TMEM236: variants seen among roughly 807,000 people sequenced by gnomAD.
TMEM236 encodes family with sequence similarity 23, member A.
TMEM236 carries 11 observed loss-of-function variants against 14.7 expected under a neutral mutation model. The observed-to-expected ratio is 0.75, with a 90% confidence interval of 0.47 to 1.24. The LOEUF is 1.24. Ranked by LOEUF, TMEM236 falls within the 50% of genes most tolerant of loss-of-function variation. The probability of loss-of-function intolerance (pLI) is 0.00; values close to 1 mark genes in which losing one functional copy is unlikely to be tolerated. For missense variants in TMEM236, 464 were observed against 427.3 expected, an observed-to-expected ratio of 1.09 and a Z score of -0.76; for synonymous variants, 182 against 168.6, an observed-to-expected ratio of 1.08 and a Z score of -0.62.
intron 2 of TMEM236, among the ~76,000 whole-genome samples, chr10:17,771,906 G>C (rs571156497): frequency 0.013 from 1,857 of 147,364 alleles, 35 homozygotes; most frequent in African/African-American, 0.044. Flanking sequence ...AGAACTTTCA[G>C]GCTTGTAAGT....
At chr10:17,790,694 A>AG (rs1279040456) in intron 3 of TMEM236, among the ~76,000 whole-genome samples, 57 of 152,368 alleles carry the variant, frequency 3.7e-4, no homozygotes, top group African/African-American at 1.3e-3. Flanking sequence ...TCATTTTAAA[A>AG]GGACTGGTAA....
chr10:17,771,775 T>G (rs1333255197), intron 2 of TMEM236, among the ~76,000 whole-genome samples: 1 of 152,238 alleles, frequency 6.6e-6, no homozygotes, highest in Non-Finnish European at 1.5e-5. Flanking sequence ...TTTGATAAGA[T>G]GTCCATTGAT....
At chr10:17,780,715 G>A (rs1473757756) in intron 3 of TMEM236, among the ~76,000 whole-genome samples, 5 of 152,158 alleles carry the variant, frequency 3.3e-5, no homozygotes, top group Non-Finnish European at 2.9e-5. Context: ...CCCAAGGTTC[G>A]TCATCTTGTG....
intron 1 of TMEM236, among the ~76,000 whole-genome samples, chr10:17,762,007 T>C (rs1452148490): frequency 6.6e-6 from 1 of 152,126 alleles, no homozygotes; most frequent in Non-Finnish European, 1.5e-5. Flanking sequence ...GCCCTTTCTT[T>C]CTCCATGGCC....
chr10:17,781,600 G>A (rs1275595574), intron 3 of TMEM236, among the ~76,000 whole-genome samples: 1 of 151,988 alleles, frequency 6.6e-6, no homozygotes, highest in African/African-American at 2.4e-5. Flanking sequence ...ATAAAAATTG[G>A]TTGGCCGTGG....
intron 1 of TMEM236, among the ~76,000 whole-genome samples, chr10:17,759,068 C>T (rs1027123385): frequency 2.6e-5 from 4 of 152,320 alleles, no homozygotes; most frequent in Admixed American, 2.0e-4. Context: ...TTCCCCTTCT[C>T]TCATTAACAC....
rs1176252052 is a variant in TMEM236, at chr10:17,798,312, G to C, written c.*1808G>C. 9.6e-6 allele frequency: 3 copies of C among 313,074 alleles called. No individual in the cohort carries two copies. The highest frequency in any genetic ancestry group is 6.6e-5 in the African/African-American group (3 of 45,722). The allele number at this position is 313,074 out of a possible 1,614,324, so 19.4% of individuals were successfully genotyped here. On this transcript the variant is annotated 3_prime_UTR_variant, in exon 4 of 4. Coordinates refer to ENST00000377495, the MANE Select transcript of TMEM236 (RefSeq NM_001098844.3). ...CCAGCACTTTGGGAGGTTGAGGCAG[G>C]TAGATCACTGGAGTCCAGGAGTCTG... is the stretch of plus-strand genomic sequence containing the variant.
At chr10:17,767,857 A>C (rs1197606237) in intron 1 of TMEM236, among the ~76,000 whole-genome samples, 3 of 151,532 alleles carry the variant, frequency 2.0e-5, no homozygotes, top group Non-Finnish European at 4.4e-5. Context: ...TATGATCTTC[A>C]CTATCTTGAA....
Position 17,796,177 on chromosome 10 carries a change from C to A in TMEM236, c.729C>A (p.Leu243=). 6.2e-7 allele frequency: 1 copy of A among 1,613,962 alleles called. No homozygotes were observed. Among genetic ancestry groups the A allele is most frequent in the Non-Finnish European group, 8.5e-7 (1 of 1,179,868 alleles). The change falls in exon 4 of 4, where the codon CTC becomes CTA. Residue 243 remains leucine, a synonymous_variant. Transcript: ENST00000377495. ...VRAELFLWSF[L]LWSDTIEMVR... is the part of the protein sequence containing the mutation. ...CAGAGTTATTCTTATGGAGCTTTCT[C>A]CTGTGGTCTGACACGATAGAAATGG...
Position 17,799,663 on chromosome 10 carries a change from A to G in TMEM236, c.*3159A>G, listed in dbSNP as rs1048831504. The G allele has an allele frequency of 0.36, 55,636 of 152,564 alleles. 10,259 individuals carry two copies. The highest frequency in any genetic ancestry group is 0.39 in the Middle Eastern group (116 of 294). The allele number at this position is 152,564 out of a possible 1,614,324, so 9.5% of individuals were successfully genotyped here. A position where few individuals can be genotyped will look rare whatever the true frequency, so the allele number is the denominator to read the frequency against. On this transcript the variant is annotated 3_prime_UTR_variant, in exon 4 of 4. Coordinates refer to ENST00000377495, the MANE Select transcript of TMEM236 (RefSeq NM_001098844.3). ...TTTTTATTATTAAGAAAAGCCTGTC[A>G]TCAAGGGATTCATTTATGATATTCC...
At chr10:17,777,388 G>GGA (rs1837676230) in intron 3 of TMEM236, among the ~76,000 whole-genome samples, 1 of 152,296 alleles carries the variant, frequency 6.6e-6, no homozygotes, top group East Asian at 1.9e-4. Flanking sequence ...CTTAAACTCA[G>GGA]GAGAGTTGGG....
chr10:17,771,207 A>T, intron 1 of TMEM236, 102 bp from the exon 2 acceptor site: 2 of 1,076,584 alleles, frequency 1.9e-6, no homozygotes, highest in Non-Finnish European at 2.9e-6. Flanking sequence ...TTCTTAGAAA[A>T]ACTATAGATG....
In TMEM236 at chr10:17,771,455, G is replaced by A; in HGVS notation, c.330+74G>A. The A allele has an allele frequency of 6.2e-6, 9 of 1,440,964 alleles. No individual in the cohort carries two copies. The South Asian group carries it at 1.0e-4, about 16-fold the overall frequency. The allele number at this position is 1,440,964 out of a possible 1,614,324, so 89.3% of individuals were successfully genotyped here. ...TTTCTTGTTATTGGAATTTGATAGA[G>A]CAGCGTGCTCAACAAATTTCTTGAC... On this transcript the variant is annotated intron_variant, in intron 2 of 3. Coordinates refer to ENST00000377495, the MANE Select transcript of TMEM236 (RefSeq NM_001098844.3).
chr10:17,754,193 T>C (rs974872446), intron 1 of TMEM236, among the ~76,000 whole-genome samples: 3 of 152,246 alleles, frequency 2.0e-5, no homozygotes, highest in Non-Finnish European at 4.4e-5. Flanking sequence ...TAATGTAGAA[T>C]TTTAATTTTG....
chr10:17,762,612 TATATATAC>T lies in TMEM236; in HGVS notation c.258-8695_258-8688del, dbSNP rs1358448045. 5.0e-3 allele frequency among the ~76,000 whole-genome samples: 376 copies of T among 75,886 alleles called. 7 individuals are homozygous for T. The highest frequency in any genetic ancestry group is 0.017 in the African/African-American group (168 of 9,956). The allele number at this position is 75,886 out of a possible 152,430, so 49.8% of individuals were successfully genotyped here. A position where few individuals can be genotyped will look rare whatever the true frequency, so the allele number is the denominator to read the frequency against. On this transcript the variant is annotated intron_variant, in intron 1 of 3. Coordinates refer to ENST00000377495, the MANE Select transcript of TMEM236 (RefSeq NM_001098844.3). ...ATATATATATATATATATATATATA[TATATATAC>T]ACACATACATATATATATATATTTA...
intron 3 of TMEM236, among the ~76,000 whole-genome samples, chr10:17,779,922 G>A (rs1276603459): frequency 6.6e-6 from 1 of 152,178 alleles, no homozygotes; most frequent in East Asian, 1.9e-4. Flanking sequence ...ATTGGTGGAT[G>A]TTTTGCTGGT....
At chr10:17,785,075 G>T (rs1411492201) in intron 3 of TMEM236, among the ~76,000 whole-genome samples, 1 of 152,222 alleles carries the variant, frequency 6.6e-6, no homozygotes, top group Non-Finnish European at 1.5e-5. Flanking sequence ...GAAGGAAAAG[G>T]AACTGTTTCT....
chr10:17,752,213 C>T lies in TMEM236; in HGVS notation c.-83C>T. The T allele has an allele frequency of 2.5e-6, 4 of 1,607,588 alleles. No homozygotes were observed. Among genetic ancestry groups the T allele is most frequent in the Non-Finnish European group, 3.4e-6 (4 of 1,174,796 alleles). Reference sequence around the variant, plus strand: ...GCGATTCGAGGACAAGGAACTTGATCCCAGTTCAGTGTCTGTGGGTCCATA... The same window carrying T: ...GCGATTCGAGGACAAGGAACTTGATTCCAGTTCAGTGTCTGTGGGTCCATA... On this transcript the variant is annotated 5_prime_UTR_variant, in exon 1 of 4. Coordinates refer to ENST00000377495, the MANE Select transcript of TMEM236 (RefSeq NM_001098844.3).
chr10:17,772,766 A>G (rs1171334474), intron 2 of TMEM236, among the ~76,000 whole-genome samples: 1 of 152,000 alleles, frequency 6.6e-6, no homozygotes, highest in Non-Finnish European at 1.5e-5. Context: ...CTTTATTTTT[A>G]TTTATTATTT....
Sources: gnomAD v4.1 joint callset for allele counts (sites outside exome capture counted in the v4.1 genomes callset) on GRCh38, gnomAD v4.1.1 for gene constraint, MANE v1.5 for transcripts, NCBI Gene and HGNC (gene_info 2026-07-23, HGNC 2026-07-21) for gene names.